Variants in PPP6R3 observed in about 807,000 individuals in gnomAD.
PPP6R3 encodes the protein protein phosphatase 6 regulatory subunit 3.
PPP6R3 carries 38 observed loss-of-function variants against 110.7 expected under a neutral mutation model. The observed-to-expected ratio is 0.34, with a 90% confidence interval of 0.26 to 0.45. PPP6R3 has a LOEUF of 0.45. Among genes scored for constraint, PPP6R3 ranks in the 20% least tolerant of loss-of-function variants. PPP6R3 has a pLI of 1.00. For synonymous variants in PPP6R3, 369 were observed against 373.5 expected (o/e 0.99, Z 0.14); for missense variants, 870 against 1,062.4 (o/e 0.82, Z 2.52).
intron 2 of PPP6R3, among the ~76,000 whole-genome samples, chr11:68,533,134 C>T (rs2099250170): frequency 6.6e-6 from 1 of 152,160 alleles, no homozygotes; most frequent in Non-Finnish European, 1.5e-5. Flanking sequence ...GCCAGTTGAA[C>T]TTTGTAACTG....
At position 68,606,251 on chromosome 11, in the gene PPP6R3, A is replaced by T. The variant is rs1173674355; in HGVS notation, c.2450+2759A>T. Reference sequence around the variant, plus strand: ...ATATGATTAAAACTCTGAGAAAACCAGTAACAGAAGTGAATTTATTTTTCT... The same window carrying T: ...ATATGATTAAAACTCTGAGAAAACCTGTAACAGAAGTGAATTTATTTTTCT... On this transcript the variant is annotated intron_variant, in intron 22 of 23. Coordinates refer to ENST00000393800, the MANE Select transcript of PPP6R3 (RefSeq NM_001164161.2). Among the ~76,000 whole-genome samples the T allele has an allele frequency of 3.3e-5, 5 of 152,274 alleles. No individual in the cohort carries two copies. The East Asian group carries it at 9.6e-4, about 29-fold the overall frequency.
intron 19 of PPP6R3, among the ~76,000 whole-genome samples, chr11:68,597,316 C>G (rs1396651503): frequency 1.3e-5 from 2 of 152,164 alleles, no homozygotes; most frequent in Admixed American, 1.3e-4. Context: ...AGAGAGAAAA[C>G]AGCTAATCCA....
intron 7 of PPP6R3, among the ~76,000 whole-genome samples, chr11:68,556,519 T>C (rs1200256030): frequency 7.2e-6 from 1 of 138,482 alleles, no homozygotes. Context: ...TGGTTTTTTG[T>C]AAGTGAATTT....
chr11:68,592,133 A>G lies in PPP6R3; in HGVS notation c.1916+427A>G, dbSNP rs953293443. On this transcript the variant is annotated intron_variant, in intron 18 of 23. Transcript: ENST00000393800. ...GGAAGATAGGGCCATGTCAATTAAT[A>G]TATCTGGGTCAATCCAGTCCTTTTT... Among the ~76,000 whole-genome samples the G allele has an allele frequency of 2.6e-5, 4 of 152,146 alleles. No homozygotes were observed. The East Asian group carries it at 5.8e-4, about 22-fold the overall frequency.
chr11:68,557,123 CAT>C (rs1438121747), intron 7 of PPP6R3, among the ~76,000 whole-genome samples: 2 of 152,214 alleles, frequency 1.3e-5, no homozygotes, highest in Admixed American at 6.5e-5. Flanking sequence ...GAAAGAAAAA[CAT>C]ATTTATTTTA....
intron 1 of PPP6R3, among the ~76,000 whole-genome samples, chr11:68,474,768 C>T (rs1164848170): frequency 1.3e-5 from 2 of 151,860 alleles, no homozygotes; most frequent in Non-Finnish European, 2.9e-5. Flanking sequence ...TTTGTTTTTT[C>T]CTGAGTCACA....
chr11:68,589,257 G>A (rs1359496275), intron 16 of PPP6R3, among the ~76,000 whole-genome samples: 1 of 152,072 alleles, frequency 6.6e-6, no homozygotes, highest in Non-Finnish European at 1.5e-5. Context: ...TAATCCCTGT[G>A]TTGTTGACTG....
intron 1 of PPP6R3, among the ~76,000 whole-genome samples, chr11:68,467,542 C>G (rs998412990): frequency 6.6e-6 from 1 of 152,148 alleles, no homozygotes; most frequent in South Asian, 2.1e-4. Flanking sequence ...ATTCTGGTGG[C>G]AGAGACACAC....
intron 2 of PPP6R3, 146 bp downstream of exon 2, chr11:68,519,797 G>A (rs980878799): frequency 2.6e-5 from 10 of 390,248 alleles, no homozygotes; most frequent in Non-Finnish European, 4.5e-5. Flanking sequence ...GTGGTACTGT[G>A]GTATTTTTAG....
intron 1 of PPP6R3, among the ~76,000 whole-genome samples, chr11:68,473,567 A>G (rs562509277): frequency 6.6e-6 from 1 of 152,330 alleles, no homozygotes; most frequent in South Asian, 2.1e-4. Flanking sequence ...CGGGGGAAGC[A>G]CAGGTAAAAC....
rs775079995 is a variant in PPP6R3, at chr11:68,600,319, A to G, written c.2039-22A>G. On this transcript the variant is annotated intron_variant, in intron 19 of 23. Coordinates refer to ENST00000393800, the MANE Select transcript of PPP6R3 (RefSeq NM_001164161.2). ...GAAACGACTGAAGTGTTTTCCAAAT[A>G]GAATTTCTCCCCTCTTTTTAGCACC... 2.2e-5 allele frequency: 35 copies of G among 1,608,700 alleles called. No individual in the cohort carries two copies. In the Admixed American group the frequency reaches 4.0e-4, roughly 18 times the overall value.
At chr11:68,525,643 A>T (rs760598964) in intron 2 of PPP6R3, among the ~76,000 whole-genome samples, 5 of 152,202 alleles carry the variant, frequency 3.3e-5, no homozygotes, top group Non-Finnish European at 7.3e-5. Context: ...CTAAAACTTT[A>T]AAAAAACGGG....
At chr11:68,574,531 T>C (rs1019428718) in intron 13 of PPP6R3, among the ~76,000 whole-genome samples, 3 of 152,234 alleles carry the variant, frequency 2.0e-5, no homozygotes, top group African/African-American at 4.8e-5. Context: ...TTGAGTATTG[T>C]GAGTGTGAAG....
Position 68,576,047 on chromosome 11 carries a change from G to T in PPP6R3, c.1545+4G>T, listed in dbSNP as rs569555777. The T allele has an allele frequency of 3.2e-6, 5 of 1,576,570 alleles. No individual in the cohort carries two copies. The highest frequency in any genetic ancestry group is 1.7e-6 in the Non-Finnish European group (2 of 1,149,960). ...CAAGAGGAACACGGTAGATCTAGTA[G>T]GTTTTACAAGGTTACATTTTTATTC... On this transcript the variant is annotated splice_donor_region_variant and intron_variant, in intron 14 of 23. Transcript: ENST00000393800.
chr11:68,486,194 G>T (rs1055146406), intron 1 of PPP6R3, among the ~76,000 whole-genome samples: 1 of 151,882 alleles, frequency 6.6e-6, no homozygotes, highest in Non-Finnish European at 1.5e-5. Context: ...CCCATATTTT[G>T]TTGAGGATTT....
chr11:68,467,681 G>A (rs2098758106), intron 1 of PPP6R3, among the ~76,000 whole-genome samples: 1 of 152,226 alleles, frequency 6.6e-6, no homozygotes, highest in Admixed American at 6.5e-5. Context: ...GGCGTAGCGG[G>A]AGGAACACTG....
At chr11:68,513,143 G>T (rs1322708126) in intron 1 of PPP6R3, among the ~76,000 whole-genome samples, 2 of 152,026 alleles carry the variant, frequency 1.3e-5, no homozygotes, top group Admixed American at 1.3e-4. Context: ...TTTGGACTTG[G>T]ATTGAACCTC....
intron 15 of PPP6R3, chr11:68,587,639 T>G (rs191123987): frequency 3.1e-5 from 14 of 457,210 alleles, no homozygotes; most frequent in Non-Finnish European, 5.2e-5. Flanking sequence ...AAACTAGGCT[T>G]AATCCAAACC....
chr11:68,550,392 G>C (rs10896343), intron 5 of PPP6R3, among the ~76,000 whole-genome samples: 36,602 of 152,052 alleles, frequency 0.24, 4,666 homozygotes, highest in Middle Eastern at 0.32. Flanking sequence ...CAGAGGAGGG[G>C]TGGTGTCCTT....
Sources: allele counts gnomAD v4.1 joint callset (sites outside exome capture counted in the v4.1 genomes callset), GRCh38; gene constraint gnomAD v4.1.1; transcripts MANE v1.5; gene names NCBI Gene and HGNC (gene_info 2026-07-23, HGNC 2026-07-21).